Variants in TNIK observed in about 807,000 individuals in gnomAD.
TNIK encodes the protein TRAF2 and NCK-interacting protein kinase.
In TNIK, 49 loss-of-function variants were observed where a neutral mutation model predicts 191.3. That is an observed-to-expected ratio of 0.26 (90% CI 0.20 to 0.32). The LOEUF (loss-of-function observed/expected upper bound fraction) is 0.32. TNIK is among the 10% of genes least tolerant of loss of function. The pLI, the probability that TNIK is intolerant of heterozygous loss-of-function variation, is 1.00. For synonymous variants in TNIK, 594 were observed against 600.9 expected, an observed-to-expected ratio of 0.99 and a Z score of 0.17; for missense variants, 1,155 against 1,702.3, an observed-to-expected ratio of 0.68 and a Z score of 5.66.
At chr3:171,385,804 A>G (rs1718646247) in intron 1 of TNIK, among the ~76,000 whole-genome samples, 1 of 152,210 alleles carries the variant, frequency 6.6e-6, no homozygotes, top group African/African-American at 2.4e-5. Flanking sequence ...CAAACTTTAA[A>G]TTATTTCTAG....
At chr3:171,254,203 A>G (rs1386344616) in intron 2 of TNIK, among the ~76,000 whole-genome samples, 1 of 152,228 alleles carries the variant, frequency 6.6e-6, no homozygotes, top group Non-Finnish European at 1.5e-5. Flanking sequence ...ATCTTAATGT[A>G]GCGTGTCTAT....
intron 2 of TNIK, among the ~76,000 whole-genome samples, chr3:171,286,098 G>T (rs994629395): frequency 6.6e-6 from 1 of 152,106 alleles, no homozygotes; most frequent in Non-Finnish European, 1.5e-5. Flanking sequence ...GGGAGAGAGG[G>T]GAGAGGGGTA....
At chr3:171,228,088 G>T in intron 3 of TNIK, 77 bp downstream of exon 3, 1 of 1,464,392 alleles carries the variant, frequency 6.8e-7, no homozygotes, top group Non-Finnish European at 9.5e-7. Flanking sequence ...CTTATGATGG[G>T]CCTATCAGGA....
At chr3:171,234,707 A>G (rs1744052960) in intron 2 of TNIK, among the ~76,000 whole-genome samples, 1 of 152,220 alleles carries the variant, frequency 6.6e-6, no homozygotes, top group Admixed American at 6.5e-5. Context: ...TAAAGGGAAA[A>G]AAATCAAATA....
intron 1 of TNIK, among the ~76,000 whole-genome samples, chr3:171,413,895 G>T (rs1327374760): frequency 6.6e-6 from 1 of 152,136 alleles, no homozygotes; most frequent in Non-Finnish European, 1.5e-5. Context: ...GATTATAATT[G>T]TAGTTATCTC....
intron 1 of TNIK, among the ~76,000 whole-genome samples, chr3:171,438,004 G>A (rs1053199136): frequency 2.6e-5 from 4 of 152,198 alleles, no homozygotes; most frequent in Admixed American, 6.5e-5. Context: ...CTGCCCCACA[G>A]ACAGTGCTTT....
At chr3:171,444,453 C>A (rs1727217958) in intron 1 of TNIK, among the ~76,000 whole-genome samples, 1 of 151,986 alleles carries the variant, frequency 6.6e-6, no homozygotes, top group Non-Finnish European at 1.5e-5. Context: ...AATGTCAGCA[C>A]CTCCTGGGGC....
chr3:171,367,624 T>G (rs1009873532), intron 2 of TNIK, among the ~76,000 whole-genome samples: 2 of 152,082 alleles, frequency 1.3e-5, no homozygotes, highest in Admixed American at 6.6e-5. Context: ...TGCATGCCAC[T>G]ACCACCTGGC....
intron 2 of TNIK, among the ~76,000 whole-genome samples, chr3:171,357,902 G>C (rs554178499): frequency 1.3e-5 from 2 of 152,146 alleles, no homozygotes; most frequent in African/African-American, 4.8e-5. Context: ...GAGGCTGGAG[G>C]GGGAGGCAGA....
chr3:171,245,705 T>A (rs559245072), intron 2 of TNIK, among the ~76,000 whole-genome samples: 1 of 152,342 alleles, frequency 6.6e-6, no homozygotes, highest in South Asian at 2.1e-4. Flanking sequence ...TTTCTATAGA[T>A]CATCTCATTT....
chr3:171,419,477 C>G lies in TNIK; in HGVS notation c.57+40530G>C, dbSNP rs930502327. ...CAAAAATCCATTGAATTGAATACTT[C>G]AAATGGGTGAATTGTATTCTCCATC... is the stretch of plus-strand genomic sequence containing the variant. On this transcript the variant is annotated intron_variant, in intron 1 of 32. Transcript: ENST00000436636. Among the ~76,000 whole-genome samples, 3 of 152,272 alleles carry G rather than the reference C, an allele frequency of 2.0e-5. No homozygotes were observed. In the East Asian group the frequency reaches 5.8e-4, roughly 29 times the overall value.
At chr3:171,380,849 A>C (rs559738046) in intron 1 of TNIK, among the ~76,000 whole-genome samples, 1 of 152,308 alleles carries the variant, frequency 6.6e-6, no homozygotes, top group African/African-American at 2.4e-5. Flanking sequence ...TTACTCTCCC[A>C]TTTCCAGAGA....
At chr3:171,093,379 TTTAATG>T (rs1294019598) in intron 23 of TNIK, among the ~76,000 whole-genome samples, 6 of 152,212 alleles carry the variant, frequency 3.9e-5, no homozygotes, top group African/African-American at 1.2e-4. Flanking sequence ...TAACGGTTGT[TTTAATG>T]TTAATTTAAC....
intron 2 of TNIK, among the ~76,000 whole-genome samples, chr3:171,286,326 A>G (rs1751008665): frequency 6.6e-6 from 1 of 152,252 alleles, no homozygotes; most frequent in Non-Finnish European, 1.5e-5. Context: ...TTACATGGAA[A>G]TTCAATAGGG....
chr3:171,225,283 G>T lies in TNIK; in HGVS notation c.180+2882C>A, dbSNP rs144729913. Among the ~76,000 whole-genome samples the T allele has an allele frequency of 1.1e-3, 161 of 152,328 alleles. 2 individuals carry two copies. The highest frequency in any genetic ancestry group is 3.6e-3 in the African/African-American group (149 of 41,570). Reference sequence around the variant, plus strand: ...ATCTTATGTTGACTGTGATGTGTAAGGGGGTGATACAAAAGTCTCTTGATG... The same window carrying T: ...ATCTTATGTTGACTGTGATGTGTAATGGGGTGATACAAAAGTCTCTTGATG... On this transcript the variant is annotated intron_variant, in intron 3 of 32. Transcript: ENST00000436636.
intron 18 of TNIK, among the ~76,000 whole-genome samples, chr3:171,120,311 T>C (rs1283802250): frequency 1.3e-5 from 2 of 149,246 alleles, no homozygotes; most frequent in Admixed American, 1.3e-4. Flanking sequence ...GCCTTGTTTT[T>C]CTTTTTTCTT....
intron 2 of TNIK, among the ~76,000 whole-genome samples, chr3:171,276,083 T>A (rs13070405): frequency 5.3e-5 from 8 of 151,808 alleles, no homozygotes; most frequent in African/African-American, 1.9e-4. Flanking sequence ...CAACACCCAC[T>A]CCACAAATGC....
At position 171,128,957 on chromosome 3, in the gene TNIK, T is replaced by C; in HGVS notation, c.1609-79A>G. 6 of 1,450,328 alleles carry C rather than the reference T, an allele frequency of 4.1e-6. No homozygotes were observed. In the South Asian group the frequency reaches 9.2e-5, roughly 22 times the overall value. 89.8% of individuals were successfully genotyped at this position (1,450,328 alleles called of 1,614,324 possible). A position where few individuals can be genotyped will look rare whatever the true frequency, so the allele number is the denominator to read the frequency against. ...ATCACCTTCTAGCAAGGATTTTCTG[T>C]AGTCACCTGCACAGCCATTTGAATC... On this transcript the variant is annotated intron_variant, in intron 15 of 32. Transcript: ENST00000436636.
Position 171,374,547 on chromosome 3 carries a change from T to C in TNIK, c.58-4862A>G, listed in dbSNP as rs762977782. 2.0e-5 allele frequency among the ~76,000 whole-genome samples: 3 copies of C among 152,344 alleles called. No individual in the cohort carries two copies. In the South Asian group the frequency reaches 6.2e-4, roughly 32 times the overall value. ...ACACCAAGGAGAAAAGAGCAAATCA[T>C]TGACATTTACCAAAGTCAAGAATCC... On this transcript the variant is annotated intron_variant, in intron 1 of 32. Transcript: ENST00000436636.
Sources: allele counts gnomAD v4.1 joint callset (sites outside exome capture counted in the v4.1 genomes callset), GRCh38; gene constraint gnomAD v4.1.1; transcripts MANE v1.5; gene names NCBI Gene and HGNC (gene_info 2026-07-23, HGNC 2026-07-21).